Variants in ITGBL1 observed in about 807,000 individuals in gnomAD.
The protein encoded by ITGBL1 is integrin subunit beta like 1.
Under a neutral mutation model 68.5 loss-of-function variants are expected in ITGBL1, and 51 were observed. The ratio of observed to expected loss-of-function variants is 0.74; its 90% CI spans 0.59 to 0.94. ITGBL1 has a LOEUF of 0.94. Among genes scored for constraint, ITGBL1 ranks in the 40% least tolerant of loss-of-function variants. The pLI, the probability that ITGBL1 is intolerant of heterozygous loss-of-function variation, is 0.00. For synonymous variants in ITGBL1, 209 were observed against 227.3 expected, an observed-to-expected ratio of 0.92 and a Z score of 0.72; for missense variants, 649 against 647.4, an observed-to-expected ratio of 1.00 and a Z score of -0.03.
In ITGBL1 at chr13:101,604,882, A is replaced by ATGTG. The variant is rs1176741604; in HGVS notation, c.1015+6584_1015+6585insGTGT. On this transcript the variant is annotated intron_variant, in intron 7 of 10. Coordinates refer to ENST00000376180, the MANE Select transcript of ITGBL1 (RefSeq NM_004791.3). The stretch of plus-strand genomic sequence containing the variant: ...TATATATATATATATATATATATAT[A>ATGTG]TATATACACACACACACACATATAT... 1.3e-3 allele frequency among the ~76,000 whole-genome samples: 82 copies of ATGTG among 64,592 alleles called. 3 individuals are homozygous for ATGTG. The highest frequency in any genetic ancestry group is 4.4e-3 in the African/African-American group (78 of 17,712). The allele number at this position is 64,592 out of a possible 152,430, so 42.4% of individuals were successfully genotyped here.
chr13:101,489,702 G>A (rs910945494), intron 2 of ITGBL1, among the ~76,000 whole-genome samples: 2 of 152,206 alleles, frequency 1.3e-5, no homozygotes, highest in African/African-American at 4.8e-5. Flanking sequence ...TGAAAGAAGA[G>A]AGTTAGGGAA....
intron 7 of ITGBL1, among the ~76,000 whole-genome samples, chr13:101,628,952 C>T (rs1364955315): frequency 1.3e-5 from 2 of 152,046 alleles, no homozygotes; most frequent in Non-Finnish European, 2.9e-5. Context: ...TCATCTGTTT[C>T]TAACAGTTTT....
At chr13:101,518,175 C>A (rs1566712028) in intron 2 of ITGBL1, among the ~76,000 whole-genome samples, 5 of 152,132 alleles carry the variant, frequency 3.3e-5, no homozygotes. Context: ...CCGATGTTTC[C>A]TCTTCTTTTT....
At chr13:101,631,364 T>A (rs934034990) in intron 7 of ITGBL1, among the ~76,000 whole-genome samples, 6 of 151,042 alleles carry the variant, frequency 4.0e-5, no homozygotes, top group African/African-American at 1.5e-4. Context: ...GAAATTGTGA[T>A]GCAGTTTCCC....
downstream of ITGBL1, chr13:101,718,049 T>A (rs574377567): frequency 1.2e-4 from 19 of 152,270 alleles, no homozygotes; most frequent in African/African-American, 4.6e-4. Context: ...GTGATTCATC[T>A]AAAATTTTGG....
chr13:101,537,944 C>T (rs543132937), intron 2 of ITGBL1, among the ~76,000 whole-genome samples: 4 of 152,068 alleles, frequency 2.6e-5, no homozygotes, highest in South Asian at 2.1e-4. Flanking sequence ...ACTTTGGTTA[C>T]ATAGATTAAA....
At chr13:101,647,532 C>T (rs765147235) in intron 7 of ITGBL1, among the ~76,000 whole-genome samples, 2 of 152,162 alleles carry the variant, frequency 1.3e-5, no homozygotes, top group South Asian at 2.1e-4. Flanking sequence ...GTTAAGGCAG[C>T]CAGTGCTTGA....
Position 101,579,273 on chromosome 13 carries a change from C to T in ITGBL1, c.587-14C>T. 1 of 1,609,984 alleles carries T rather than the reference C, an allele frequency of 6.2e-7. No individual in the cohort carries two copies. ...GCTTTTTTCCTCACTGTATAAAATT[C>T]ATTTTGGGTAAAGGCCATGGGAAGT... On this transcript the variant is annotated splice_polypyrimidine_tract_variant and intron_variant, in intron 4 of 10. Transcript: ENST00000376180.
At chr13:101,485,546 G>A (rs1386428225) in intron 2 of ITGBL1, among the ~76,000 whole-genome samples, 2 of 152,110 alleles carry the variant, frequency 1.3e-5, no homozygotes, top group South Asian at 2.1e-4. Flanking sequence ...GGTTCACGTC[G>A]GTAATCTCAG....
At chr13:101,592,881 C>G (rs2050678661) in intron 6 of ITGBL1, among the ~76,000 whole-genome samples, 1 of 151,674 alleles carries the variant, frequency 6.6e-6, no homozygotes, top group Admixed American at 6.6e-5. Context: ...AAAATAAGAC[C>G]TCAAAAGCAA....
rs143459410 is a variant in ITGBL1 at position 101,515,652 on chromosome 13, T to C, written c.317-52047T>C. ...AGGTGCTGACCAAAGTATTTATGTA[T>C]GCAGACATATTTCTGCTGTGCAGTA... On this transcript the variant is annotated intron_variant, in intron 2 of 10. Transcript: ENST00000376180. 1.9e-4 allele frequency among the ~76,000 whole-genome samples: 29 copies of C among 152,274 alleles called. No individual in the cohort carries two copies. In the East Asian group the frequency reaches 5.6e-3, roughly 29 times the overall value.
At chr13:101,493,756 A>G (rs2048815334) in intron 2 of ITGBL1, among the ~76,000 whole-genome samples, 1 of 152,234 alleles carries the variant, frequency 6.6e-6, no homozygotes, top group Non-Finnish European at 1.5e-5. Flanking sequence ...ACACAAGTCC[A>G]TTAGCTTCAT....
chr13:101,631,413 A>T (rs1566766184), intron 7 of ITGBL1, among the ~76,000 whole-genome samples: 1 of 151,902 alleles, frequency 6.6e-6, no homozygotes, highest in Non-Finnish European at 1.5e-5. Flanking sequence ...TGATTTGTAG[A>T]TGTTAAGTCT....
At chr13:101,590,339 C>T (rs895171964) in intron 6 of ITGBL1, among the ~76,000 whole-genome samples, 3 of 152,092 alleles carry the variant, frequency 2.0e-5, no homozygotes, top group Admixed American at 2.0e-4. Context: ...AACGTTCTCC[C>T]TTCAGTCGTG....
At chr13:101,645,358 G>A (rs1172936431) in intron 7 of ITGBL1, among the ~76,000 whole-genome samples, 2 of 152,130 alleles carry the variant, frequency 1.3e-5, no homozygotes, top group East Asian at 3.9e-4. Flanking sequence ...ACCTTTTCAG[G>A]AGCCCACTCA....
At chr13:101,636,391 C>G (rs2139419863) in intron 7 of ITGBL1, among the ~76,000 whole-genome samples, 1 of 152,208 alleles carries the variant, frequency 6.6e-6, no homozygotes, top group East Asian at 1.9e-4. Flanking sequence ...CATTTTCAAT[C>G]TGAACAAATC....
At chr13:101,711,521 T>G (rs2034466421) in intron 9 of ITGBL1, 1 of 152,226 alleles carries the variant, frequency 6.6e-6, no homozygotes. Context: ...ATTTTTAAAC[T>G]ACTGTATATG....
At chr13:101,511,121 T>C (rs1372429012) in intron 2 of ITGBL1, among the ~76,000 whole-genome samples, 2 of 152,104 alleles carry the variant, frequency 1.3e-5, no homozygotes, top group African/African-American at 4.8e-5. Context: ...CTAGGAACTT[T>C]ATAGTTTGAG....
In ITGBL1 at chr13:101,529,907, C is replaced by T. The variant is rs114793234; in HGVS notation, c.317-37792C>T. On this transcript the variant is annotated intron_variant, in intron 2 of 10. Coordinates refer to ENST00000376180, the MANE Select transcript of ITGBL1 (RefSeq NM_004791.3). ...GTAGTTCTTTTTGGCAGTGTGAAAA[C>T]GAACTAATTCAGCAGTTAAGATAAT... Among the ~76,000 whole-genome samples the T allele has an allele frequency of 5.4e-3, 822 of 152,090 alleles. 9 individuals carry two copies. Among genetic ancestry groups the T allele is most frequent in the African/African-American group, 0.019 (781 of 41,496 alleles).
Sources: gnomAD v4.1 joint callset for allele counts (sites outside exome capture counted in the v4.1 genomes callset) on GRCh38, gnomAD v4.1.1 for gene constraint, MANE v1.5 for transcripts, NCBI Gene and HGNC (gene_info 2026-07-23, HGNC 2026-07-21) for gene names.